MSI2: variants seen among roughly 807,000 people sequenced by gnomAD.
The protein encoded by MSI2 is musashi RNA binding protein 2.
Under a neutral mutation model 45.6 loss-of-function variants are expected in MSI2, and 17 were observed. That is an observed-to-expected ratio of 0.37 (90% CI 0.26 to 0.56). The LOEUF is 0.56. Among genes scored for constraint, MSI2 ranks in the 20% least tolerant of loss-of-function variants. MSI2 has a pLI of 0.77. For missense variants in MSI2, 293 were observed against 444.2 expected (o/e 0.66, Z 3.06); for synonymous variants, 156 against 158.2 (o/e 0.99, Z 0.11).
At chr17:57,452,887 G>C (rs2085044825) in intron 6 of MSI2, among the ~76,000 whole-genome samples, 1 of 152,062 alleles carries the variant, frequency 6.6e-6, no homozygotes, top group Non-Finnish European at 1.5e-5. Context: ...GAGAGGTGGG[G>C]AACTGGGATT....
chr17:57,437,534 G>T (rs966968284), intron 6 of MSI2, among the ~76,000 whole-genome samples: 5 of 152,234 alleles, frequency 3.3e-5, no homozygotes, highest in Admixed American at 2.6e-4. Context: ...AGGAGGGAAA[G>T]AATGTTTTCA....
intron 6 of MSI2, among the ~76,000 whole-genome samples, chr17:57,496,430 G>C (rs2085980604): frequency 6.6e-6 from 1 of 150,510 alleles, no homozygotes; most frequent in African/African-American, 2.5e-5. Flanking sequence ...CCAGGAGGCT[G>C]ATGAACGGTC....
chr17:57,495,317 G>T (rs996399335), intron 6 of MSI2, among the ~76,000 whole-genome samples: 4 of 152,198 alleles, frequency 2.6e-5, no homozygotes, highest in Admixed American at 2.0e-4. Flanking sequence ...CGGATCACCT[G>T]AAGTCAGGAG....
At chr17:57,431,462 C>G (rs2143385285) in intron 6 of MSI2, among the ~76,000 whole-genome samples, 1 of 152,296 alleles carries the variant, frequency 6.6e-6, no homozygotes, top group East Asian at 1.9e-4. Context: ...CAGGGAGAGG[C>G]AGGTGGTAGG....
At chr17:57,355,734 C>T (rs1351136097) in intron 5 of MSI2, among the ~76,000 whole-genome samples, 1 of 152,242 alleles carries the variant, frequency 6.6e-6, no homozygotes, top group Non-Finnish European at 1.5e-5. Context: ...GGGTTCCAGA[C>T]TCTGGCTCAC....
intron 6 of MSI2, among the ~76,000 whole-genome samples, chr17:57,463,052 G>A (rs148465672): frequency 7.6e-4 from 116 of 152,312 alleles, no homozygotes; most frequent in Admixed American, 5.6e-3. Context: ...TCATCGCAAC[G>A]AGTGCCCCTT....
At chr17:57,329,448 T>G (rs953116649) in intron 5 of MSI2, among the ~76,000 whole-genome samples, 2 of 152,186 alleles carry the variant, frequency 1.3e-5, no homozygotes, top group African/African-American at 4.8e-5. Flanking sequence ...GTGGGAGGCA[T>G]GTATAAACTT....
At position 57,553,887 on chromosome 17, in the gene MSI2, A is replaced by G. The variant is rs114764736; in HGVS notation, c.454+24163A>G. ...AGCCCACAAGTTTGTCTCTTTCAAG[A>G]GAAGAAATTTAAAGCAAAGCTCCAG... On this transcript the variant is annotated intron_variant, in intron 7 of 13. Transcript: ENST00000284073. Among the ~76,000 whole-genome samples, 1,266 of 152,292 alleles carry G rather than the reference A, an allele frequency of 8.3e-3. 12 individuals carry two copies. The highest frequency in any genetic ancestry group is 0.027 in the African/African-American group (1,129 of 41,554).
chr17:57,384,109 TGTTATA>T (rs2083645143), intron 5 of MSI2, among the ~76,000 whole-genome samples: 4 of 152,192 alleles, frequency 2.6e-5, no homozygotes, highest in African/African-American at 9.7e-5. Context: ...CTGACTTCTG[TGTTATA>T]GTTATTGTTG....
At chr17:57,640,814 G>A (rs1910187891) in intron 10 of MSI2, among the ~76,000 whole-genome samples, 3 of 152,276 alleles carry the variant, frequency 2.0e-5, no homozygotes, top group South Asian at 2.1e-4. Flanking sequence ...GATGATGCAG[G>A]GACGCTCTGT....
intron 6 of MSI2, among the ~76,000 whole-genome samples, chr17:57,447,526 C>T (rs186025663): frequency 5.3e-5 from 8 of 152,206 alleles, no homozygotes; most frequent in African/African-American, 1.9e-4. Context: ...TGAGTACGGC[C>T]CAGCTGACAC....
chr17:57,293,841 C>T (rs958721055), intron 5 of MSI2, among the ~76,000 whole-genome samples: 10 of 151,148 alleles, frequency 6.6e-5, no homozygotes, highest in African/African-American at 1.7e-4. Context: ...CTCCTGACCT[C>T]AGGTGATCTG....
chr17:57,463,540 C>A (rs918090416), intron 6 of MSI2, among the ~76,000 whole-genome samples: 1 of 152,112 alleles, frequency 6.6e-6, no homozygotes, highest in African/African-American at 2.4e-5. Flanking sequence ...TGGGTCTCCT[C>A]CCCAACAGCC....
At chr17:57,498,998 C>G (rs1419518057) in intron 6 of MSI2, among the ~76,000 whole-genome samples, 2 of 137,842 alleles carry the variant, frequency 1.5e-5, no homozygotes, top group African/African-American at 2.7e-5. Context: ...ACTTTTATTT[C>G]TAAAATATGC....
intron 11 of MSI2, among the ~76,000 whole-genome samples, chr17:57,674,586 T>G (rs1913082016): frequency 1.3e-5 from 2 of 151,716 alleles, no homozygotes; most frequent in South Asian, 4.2e-4. Context: ...GAGCATCAAT[T>G]CAGATGTGAA....
chr17:57,631,281 C>G (rs1598474410), intron 10 of MSI2: 1 of 152,984 alleles, frequency 6.5e-6, no homozygotes, highest in Non-Finnish European at 1.5e-5. Context: ...ACTCATAAAC[C>G]AGGTAGCCTG....
At chr17:57,509,849 A>G (rs1055557009) in intron 6 of MSI2, among the ~76,000 whole-genome samples, 1 of 151,996 alleles carries the variant, frequency 6.6e-6, no homozygotes, top group Non-Finnish European at 1.5e-5. Flanking sequence ...TGCTTTTTCA[A>G]AACTTTCCCA....
At chr17:57,429,693 C>T (rs1050038356) in intron 6 of MSI2, among the ~76,000 whole-genome samples, 11 of 150,950 alleles carry the variant, frequency 7.3e-5, no homozygotes, top group African/African-American at 2.7e-4. Context: ...AACACACCAT[C>T]GGAACAACAA....
intron 7 of MSI2, among the ~76,000 whole-genome samples, chr17:57,543,614 A>G (rs1304055166): frequency 1.3e-5 from 2 of 152,186 alleles, no homozygotes; most frequent in Admixed American, 1.3e-4. Flanking sequence ...TTTGCTCTGG[A>G]AAGAGTTTTC....
Sources: allele counts gnomAD v4.1 joint callset (sites outside exome capture counted in the v4.1 genomes callset), GRCh38; gene constraint gnomAD v4.1.1; transcripts MANE v1.5; gene names NCBI Gene and HGNC (gene_info 2026-07-23, HGNC 2026-07-21).